The following SRBD1 variants were observed in gnomAD, a reference collection of about 807,000 sequenced individuals.
SRBD1 encodes the protein S1 RNA binding domain 1.
In SRBD1, 88 loss-of-function variants were observed where a neutral mutation model predicts 115.3. That is an observed-to-expected ratio of 0.76 (90% CI 0.64 to 0.91). SRBD1 has a LOEUF of 0.91. SRBD1 is among the 40% of genes least tolerant of loss of function. The pLI, the probability that SRBD1 is intolerant of heterozygous loss-of-function variation, is 0.00. For missense variants in SRBD1, 1,385 were observed against 1,177.4 expected, an observed-to-expected ratio of 1.18 and a Z score of -2.58; for synonymous variants, 509 against 407.7, an observed-to-expected ratio of 1.25 and a Z score of -2.99.
rs6754353 is a variant in SRBD1 at position 45,388,884 on chromosome 2, G to C, written c.*426C>G. 2,047 of 155,230 alleles carry C rather than the reference G, an allele frequency of 0.013. 46 individuals are homozygous for C. The highest frequency in any genetic ancestry group is 0.047 in the African/African-American group (1,954 of 41,624). The allele number at this position is 155,230 out of a possible 1,614,324, so 9.6% of individuals were successfully genotyped here. A position where few individuals can be genotyped will look rare whatever the true frequency, so the allele number is the denominator to read the frequency against. On this transcript the variant is annotated 3_prime_UTR_variant, in exon 21 of 21. Coordinates refer to ENST00000263736, the MANE Select transcript of SRBD1 (RefSeq NM_018079.5). ...TTAAAAAAAAATCTATAAAATGGAA[G>C]GATTAAACACTGCCCAGCCCTACTG... is the stretch of plus-strand genomic sequence containing the variant.
intron 15 of SRBD1, among the ~76,000 whole-genome samples, chr2:45,486,448 CTGGGTGCGGTGGCTCACGCCTGTAA>C (rs1670121289): frequency 6.6e-6 from 1 of 152,142 alleles, no homozygotes; most frequent in African/African-American, 2.4e-5. Context: ...TGGGGATAGG[CTGGGTGCGGTGGCTCACGCCTGTAA>C]TCCCAGCACT....
Position 45,562,675 on chromosome 2 carries a change from A to T in SRBD1, c.1387T>A (p.Cys463Ser). The T allele has an allele frequency of 6.2e-7, 1 of 1,608,568 alleles. No homozygotes were observed. Among genetic ancestry groups the T allele is most frequent in the Non-Finnish European group, 8.5e-7 (1 of 1,178,676 alleles). The change falls in exon 10 of 21, where the codon TGT becomes AGT. Residue 463 changes from cysteine to serine, a missense_variant. Coordinates refer to ENST00000263736, the MANE Select transcript of SRBD1 (RefSeq NM_018079.5). ...GACCTGTTTTGGATGCACCACCTAC[A>T]GAATTCATCCTTCACTCCATCAGAA... Reference protein sequence around the residue: ...NISDGVKDEFCRWCIQNRWRP... With the variant: ...NISDGVKDEFSRWCIQNRWRP...
At chr2:45,474,698 A>T (rs1388616001) in intron 16 of SRBD1, among the ~76,000 whole-genome samples, 1 of 152,144 alleles carries the variant, frequency 6.6e-6, no homozygotes, top group African/African-American at 2.4e-5. Context: ...AATGATCTGT[A>T]TATGTTTTGA....
At chr2:45,556,918 T>TTGC (rs553666915) in intron 10 of SRBD1, among the ~76,000 whole-genome samples, 29 of 152,180 alleles carry the variant, frequency 1.9e-4, no homozygotes, top group South Asian at 1.5e-3. Flanking sequence ...ATGTAAGTTT[T>TTGC]TGCTGCTGCT....
chr2:45,414,661 CACAT>C (rs920531464), intron 18 of SRBD1, among the ~76,000 whole-genome samples: 4 of 150,186 alleles, frequency 2.7e-5, no homozygotes, highest in Admixed American at 6.6e-5. Context: ...TGCACATACA[CACAT>C]AGTGTATATA....
At chr2:45,415,851 C>A (rs1324700070) in intron 18 of SRBD1, among the ~76,000 whole-genome samples, 1 of 149,088 alleles carries the variant, frequency 6.7e-6, no homozygotes, top group Non-Finnish European at 1.5e-5. Flanking sequence ...ATCATCTTAT[C>A]ATGGGAGGCA....
At chr2:45,591,743 T>C (rs1401218634) in intron 4 of SRBD1, among the ~76,000 whole-genome samples, 1 of 152,200 alleles carries the variant, frequency 6.6e-6, no homozygotes, top group African/African-American at 2.4e-5. Flanking sequence ...TCAGCAATTA[T>C]CACATTGCCT....
chr2:45,465,269 G>T (rs1352171247), intron 16 of SRBD1, among the ~76,000 whole-genome samples: 1 of 151,988 alleles, frequency 6.6e-6, no homozygotes, highest in Admixed American at 6.6e-5. Flanking sequence ...AGGCAACAAT[G>T]ACACGGAAAA....
At chr2:45,491,753 A>AT (rs879721454) in intron 14 of SRBD1, among the ~76,000 whole-genome samples, 10 of 152,348 alleles carry the variant, frequency 6.6e-5, no homozygotes, top group Admixed American at 5.9e-4. Flanking sequence ...TAAAGTACCT[A>AT]CAATATCAAC....
intron 4 of SRBD1, among the ~76,000 whole-genome samples, chr2:45,591,519 T>C (rs1673724072): frequency 1.3e-5 from 2 of 152,210 alleles, no homozygotes; most frequent in African/African-American, 4.8e-5. Context: ...AGGCTCTGTG[T>C]AGGCAGTGGG....
chr2:45,586,627 C>A (rs1434962907), intron 4 of SRBD1, among the ~76,000 whole-genome samples: 1 of 151,736 alleles, frequency 6.6e-6, no homozygotes, highest in Admixed American at 6.6e-5. Flanking sequence ...TTCAATGCAA[C>A]CTTGAACTCG....
chr2:45,448,981 G>A (rs1668909133), intron 16 of SRBD1, among the ~76,000 whole-genome samples: 1 of 152,064 alleles, frequency 6.6e-6, no homozygotes, highest in African/African-American at 2.4e-5. Context: ...TTTTTCTTCT[G>A]TAATACAAAT....
chr2:45,393,075 T>C lies in SRBD1; in HGVS notation c.2568A>G (p.Gln856=). 1 of 1,613,908 alleles carries C rather than the reference T, an allele frequency of 6.2e-7. No homozygotes were observed. The highest frequency in any genetic ancestry group is 8.5e-7 in the Non-Finnish European group (1 of 1,179,956). ...TLYEVGKPEM[Q]QKINSFLEKE... ...TTTCAAGGAATGAATTTATTTTTTG[T>C]TGCATTTCAGGCTTTCCAACCTCAT... The change falls in exon 20 of 21, where the codon CAA becomes CAG. Residue 856 remains glutamine, a synonymous_variant. Coordinates refer to ENST00000263736, the MANE Select transcript of SRBD1 (RefSeq NM_018079.5).
intron 14 of SRBD1, among the ~76,000 whole-genome samples, chr2:45,497,184 T>C (rs1670486089): frequency 6.6e-6 from 1 of 152,210 alleles, no homozygotes; most frequent in Non-Finnish European, 1.5e-5. Context: ...TTATGCTATG[T>C]TCATTAATGG....
At chr2:45,437,784 T>C (rs1668544266) in intron 16 of SRBD1, among the ~76,000 whole-genome samples, 2 of 152,018 alleles carry the variant, frequency 1.3e-5, no homozygotes, top group Admixed American at 1.3e-4. Flanking sequence ...TAGACCTAAA[T>C]GTAAAACATG....
intron 14 of SRBD1, among the ~76,000 whole-genome samples, chr2:45,528,556 T>C (rs1276930101): frequency 1.3e-5 from 2 of 151,900 alleles, no homozygotes; most frequent in Non-Finnish European, 2.9e-5. Flanking sequence ...TGGTTGAAAC[T>C]GAGGTACCAG....
At chr2:45,594,197 G>A (rs1236440046) in intron 4 of SRBD1, among the ~76,000 whole-genome samples, 8 of 152,004 alleles carry the variant, frequency 5.3e-5, no homozygotes, top group Admixed American at 5.2e-4. Flanking sequence ...ACCACTTTTT[G>A]TCTCACTTCT....
chr2:45,504,287 G>C (rs937158054), intron 14 of SRBD1, among the ~76,000 whole-genome samples: 4 of 152,102 alleles, frequency 2.6e-5, no homozygotes, highest in African/African-American at 9.7e-5. Context: ...TGATGCCAGA[G>C]GATGTAGCTT....
chr2:45,606,597 T>C (rs1389752637), intron 1 of SRBD1, among the ~76,000 whole-genome samples: 2 of 152,192 alleles, frequency 1.3e-5, no homozygotes, highest in Non-Finnish European at 2.9e-5. Flanking sequence ...AAAAGTTCAT[T>C]AAACTTAAAT....
Sources: allele counts gnomAD v4.1 joint callset (sites outside exome capture counted in the v4.1 genomes callset), GRCh38; gene constraint gnomAD v4.1.1; transcripts MANE v1.5; gene names NCBI Gene and HGNC (gene_info 2026-07-23, HGNC 2026-07-21).